The following UBOX5 variants were observed in gnomAD, a reference collection of about 807,000 sequenced individuals.
UBOX5 encodes the protein RING finger protein 37.
In UBOX5, 28 loss-of-function variants were observed where a neutral mutation model predicts 39.0. The observed-to-expected ratio is 0.72, with a 90% CI of 0.53 to 0.98. The LOEUF (loss-of-function observed/expected upper bound fraction) is 0.98. Ranked by LOEUF, UBOX5 falls within the 50% of genes least tolerant of loss-of-function variation. The pLI, the probability that UBOX5 is intolerant of heterozygous loss-of-function variation, is 0.00. For synonymous variants in UBOX5, 283 were observed against 275.5 expected (o/e 1.03, Z -0.27); for missense variants, 585 against 674.4 (o/e 0.87, Z 1.47).
At chr20:3,155,302 G>A (rs2066672816) in intron 1 of UBOX5, among the ~76,000 whole-genome samples, 1 of 152,174 alleles carries the variant, frequency 6.6e-6, no homozygotes, top group South Asian at 2.1e-4. Context: ...GGCTGAGGCA[G>A]GAGGATCACC....
chr20:3,151,128 C>T (rs2066620070), intron 1 of UBOX5, among the ~76,000 whole-genome samples: 3 of 152,000 alleles, frequency 2.0e-5, no homozygotes, highest in Admixed American at 6.6e-5. Flanking sequence ...GTCTCAAACT[C>T]CTGGGCTCAA....
chr20:3,152,926 T>TA (rs1304720741), intron 1 of UBOX5, among the ~76,000 whole-genome samples: 27 of 151,658 alleles, frequency 1.8e-4, no homozygotes, highest in African/African-American at 6.0e-4. Context: ...AAGTAGATCC[T>TA]AAAAAAATAG....
At chr20:3,130,283 TG>T (rs1218567865) in intron 1 of UBOX5, among the ~76,000 whole-genome samples, 10 of 147,716 alleles carry the variant, frequency 6.8e-5, no homozygotes, top group Admixed American at 2.0e-4. Context: ...ACAAAGAGGG[TG>T]GGGGGCATAA....
rs1293772170 is a variant in UBOX5 at position 3,110,302 on chromosome 20, C to T, written c.1430G>A (p.Ser477Asn). 1.2e-6 allele frequency: 2 copies of T among 1,614,112 alleles called. No individual in the cohort carries two copies. Among genetic ancestry groups the T allele is most frequent in the Non-Finnish European group, 1.7e-6 (2 of 1,180,030 alleles). The change falls in exon 5 of 5, where the codon AGC (serine) becomes AAC (asparagine). Residue 477 changes from serine (S) to asparagine (N), a missense_variant. By Grantham distance (46) the Ser-to-Asn change is conservative. Transcript: ENST00000217173. ...GGAGGCACATTCGGGGCCCAGGATG[C>T]TCCCAGGCTGCTCTGGTAAATCAGG... ...RPGTGSEQPG[S>N]ILGPECASCK...
chr20:3,129,587 C>T (rs1165439262), intron 1 of UBOX5, among the ~76,000 whole-genome samples: 1 of 152,180 alleles, frequency 6.6e-6, no homozygotes, highest in Non-Finnish European at 1.5e-5. Flanking sequence ...CACCAAGCTA[C>T]TCATTGGCAC....
chr20:3,155,453 C>G (rs2066674243), intron 1 of UBOX5, among the ~76,000 whole-genome samples: 1 of 152,114 alleles, frequency 6.6e-6, no homozygotes, highest in Non-Finnish European at 1.5e-5. Flanking sequence ...ATCACTTGAA[C>G]CCGCGAGGCA....
At chr20:3,158,957 C>T (rs1209044644) in intron 1 of UBOX5, among the ~76,000 whole-genome samples, 1 of 152,194 alleles carries the variant, frequency 6.6e-6, no homozygotes, top group East Asian at 1.9e-4. Context: ...ACGCCAGCCA[C>T]AGTTGGTGCT....
chr20:3,155,049 T>C (rs1240498129), intron 1 of UBOX5, among the ~76,000 whole-genome samples: 1 of 52,000 alleles, frequency 1.9e-5, no homozygotes, highest in African/African-American at 1.4e-4. Context: ...CAAGACACAG[T>C]CTCAAAAAAA....
intron 1 of UBOX5, among the ~76,000 whole-genome samples, chr20:3,159,186 C>T (rs986039142): frequency 1.3e-5 from 2 of 152,192 alleles, no homozygotes; most frequent in African/African-American, 4.8e-5. Flanking sequence ...TACCCTTAGG[C>T]TTGTGCAACG....
intron 4 of UBOX5, among the ~76,000 whole-genome samples, chr20:3,112,134 G>A (rs1429307039): frequency 1.3e-5 from 2 of 151,124 alleles, no homozygotes; most frequent in Admixed American, 6.6e-5. Flanking sequence ...GGAAGGGAAG[G>A]AGGGAGGAAT....
At position 3,122,337 on chromosome 20, in the gene UBOX5, G is replaced by A. The variant is rs200491794; in HGVS notation, c.302C>T (p.Thr101Ile). Reference protein sequence around the residue: ...RVSWNTPQCRTLGPAEPSVPD... With the variant: ...RVSWNTPQCRILGPAEPSVPD... ...GACAGATGGCTCAGCTGGGCCCAGG[G>A]TCCGGCACTGGGGCGTATTCCAAGA... The change falls in exon 3 of 5, where the codon ACC becomes ATC. Residue 101 changes from threonine to isoleucine, a missense_variant. Transcript: ENST00000217173. 3 of 1,614,218 alleles carry A rather than the reference G, an allele frequency of 1.9e-6. No individual in the cohort carries two copies. Among genetic ancestry groups the A allele is most frequent in the East Asian group, 2.2e-5 (1 of 44,884 alleles).
Position 3,157,754 on chromosome 20 carries a change from G to A in UBOX5, c.-42+2012C>T, listed in dbSNP as rs143276228. On this transcript the variant is annotated intron_variant, in intron 1 of 4. Coordinates refer to ENST00000217173, the MANE Select transcript of UBOX5 (RefSeq NM_014948.4). ...AGCTGCATGCACACAGTCGTCATAA[G>A]AGAAAATTCCCAAATAAATGGTCCA... is the stretch of plus-strand genomic sequence containing the variant. Among the ~76,000 whole-genome samples, 223 of 152,328 alleles carry A rather than the reference G, an allele frequency of 1.5e-3. 1 individual carries two copies. Among genetic ancestry groups the A allele is most frequent in the African/African-American group, 4.6e-3 (190 of 41,572 alleles).
intron 1 of UBOX5, among the ~76,000 whole-genome samples, chr20:3,129,863 C>G (rs1337967280): frequency 6.6e-6 from 1 of 152,216 alleles, no homozygotes; most frequent in Non-Finnish European, 1.5e-5. Context: ...AAATTTCTCC[C>G]TACCTGAATT....
At chr20:3,159,011 G>A (rs2066718526) in intron 1 of UBOX5, among the ~76,000 whole-genome samples, 1 of 152,218 alleles carries the variant, frequency 6.6e-6, no homozygotes, top group African/African-American at 2.4e-5. Context: ...CACTGTCCAA[G>A]GGTCTGATCA....
At chr20:3,110,696 CG>C (rs2066246758) in intron 4 of UBOX5, 1 of 276,816 alleles carries the variant, frequency 3.6e-6, no homozygotes, top group African/African-American at 2.2e-5. Context: ...ATGTGAGAGG[CG>C]ACAAGAGAAG....
chr20:3,137,451 T>C (rs775346477), intron 1 of UBOX5, among the ~76,000 whole-genome samples: 26 of 152,074 alleles, frequency 1.7e-4, no homozygotes, highest in Non-Finnish European at 3.1e-4. Context: ...GTATTTTTAG[T>C]AGAGACGGGG....
At chr20:3,148,910 T>C in intron 1 of UBOX5, 1 of 1,614,198 alleles carries the variant, frequency 6.2e-7, no homozygotes, top group African/African-American at 1.3e-5. Flanking sequence ...CTTAACTTTT[T>C]TGGCAGAATG....
At chr20:3,139,284 G>A (rs1020737173) in intron 1 of UBOX5, among the ~76,000 whole-genome samples, 3 of 152,210 alleles carry the variant, frequency 2.0e-5, no homozygotes, top group Non-Finnish European at 4.4e-5. Flanking sequence ...GAGCCCCAAA[G>A]AAGCCTGCAG....
At chr20:3,126,815 C>T (rs1206509758) in intron 1 of UBOX5, among the ~76,000 whole-genome samples, 1 of 152,034 alleles carries the variant, frequency 6.6e-6, no homozygotes, top group Non-Finnish European at 1.5e-5. Flanking sequence ...GCAGGCAGAT[C>T]ACCTGAGGTC....
Sources: gnomAD v4.1 joint callset for allele counts (sites outside exome capture counted in the v4.1 genomes callset) on GRCh38, gnomAD v4.1.1 for gene constraint, MANE v1.5 for transcripts, NCBI Gene and HGNC (gene_info 2026-07-23, HGNC 2026-07-21) for gene names.